Variants in HJURP observed in about 807,000 individuals in gnomAD.
HJURP encodes the protein Holliday junction recognition protein.
In HJURP, 49 loss-of-function variants were observed where a neutral mutation model predicts 72.0. The observed-to-expected ratio is 0.68, with a 90% CI of 0.54 to 0.86. The LOEUF (loss-of-function observed/expected upper bound fraction) is 0.86, where lower values mean the gene tolerates loss of function less well. HJURP is among the 40% of genes least tolerant of loss of function. The pLI, the probability that HJURP is intolerant of heterozygous loss-of-function variation, is 0.00. For synonymous variants in HJURP, 357 were observed against 347.1 expected (o/e 1.03, Z -0.32); for missense variants, 908 against 936.3 (o/e 0.97, Z 0.39).
chr2:233,849,420 G>C (rs1342898412), intron 4 of HJURP, among the ~76,000 whole-genome samples: 2 of 152,174 alleles, frequency 1.3e-5, no homozygotes, highest in Non-Finnish European at 2.9e-5. Flanking sequence ...GGAGGACGAA[G>C]TGGGAAGCTG....
At chr2:233,840,078 G>A (rs1222924987) in intron 8 of HJURP, among the ~76,000 whole-genome samples, 1 of 134,298 alleles carries the variant, frequency 7.4e-6, no homozygotes, top group Non-Finnish European at 1.7e-5. Context: ...TTAAGCTGCA[G>A]AACAAGGTGC....
At chr2:233,852,933 A>G (rs1406700532) in intron 2 of HJURP, among the ~76,000 whole-genome samples, 1 of 152,224 alleles carries the variant, frequency 6.6e-6, no homozygotes, top group Non-Finnish European at 1.5e-5. Context: ...GGCAATCTAT[A>G]TACCATATAG....
Position 233,841,412 on chromosome 2 carries a change from C to T in HJURP, c.1368G>A (p.Met456Ile), listed in dbSNP as rs778392677. 1.2e-6 allele frequency: 2 copies of T among 1,614,172 alleles called. No homozygotes were observed. Among genetic ancestry groups the T allele is most frequent in the African/African-American group, 1.3e-5 (1 of 75,042 alleles). ...TCATGGCCCAGGAGTCCGGGAGGCACATCCGGCGAGGCTGGTTCCTGGGAC... is the reference window on the plus strand; with the variant it reads ...TCATGGCCCAGGAGTCCGGGAGGCATATCCGGCGAGGCTGGTTCCTGGGAC... ...CLSPRNQPRR[M>I]CLPDSWAMNM... The change falls in exon 8 of 9, where the codon ATG becomes ATA. Residue 456 changes from methionine (M) to isoleucine (I), a missense_variant. Transcript: ENST00000411486.
At chr2:233,845,889 C>T in intron 5 of HJURP, 69 bp from the exon 6 acceptor site, 1 of 950,410 alleles carries the variant, frequency 1.1e-6, no homozygotes, top group Non-Finnish European at 1.7e-6. Context: ...GCTTCTGGAA[C>T]AAACTGGCAA....
At chr2:233,848,834 C>T (rs889006926) in intron 4 of HJURP, among the ~76,000 whole-genome samples, 1 of 152,140 alleles carries the variant, frequency 6.6e-6, no homozygotes, top group African/African-American at 2.4e-5. Flanking sequence ...CTCAAACAAA[C>T]CCTCTAGAAA....
At chr2:233,845,856 T>C (rs1293081430) in intron 5 of HJURP, 36 bp from the exon 6 acceptor site, 1 of 1,426,098 alleles carries the variant, frequency 7.0e-7, no homozygotes, top group South Asian at 1.2e-5. Context: ...TTTTAAGAGC[T>C]TCTGAGTATA....
rs368581054 is a variant in HJURP at position 233,840,721 on chromosome 2, C to T, written c.2059G>A (p.Glu687Lys). The T allele has an allele frequency of 3.7e-6, 6 of 1,613,974 alleles. No individual in the cohort carries two copies. The highest frequency in any genetic ancestry group is 5.1e-6 in the Non-Finnish European group (6 of 1,180,028). The change falls in exon 8 of 9, where the codon GAA becomes AAA. Residue 687 changes from glutamate to lysine, a missense_variant. Physicochemically the swap from Glu to Lys is moderately conservative, Grantham distance 56. This residue lies in a region of HJURP where 598 missense variants were observed against 619.5 expected (regional missense o/e 0.97). Coordinates refer to ENST00000411486, the MANE Select transcript of HJURP (RefSeq NM_018410.5). ...CCCTGGCGTCCGGAGCCCTGGGGTT[C>T]TGATAGCCTGGGTCTTTTTGCAGGG... ...QFPAKRPRLSEPQGSGRQGNS... is the reference protein window; with the variant it reads ...QFPAKRPRLSKPQGSGRQGNS...
intron 3 of HJURP, 138 bp from the exon 4 acceptor site, chr2:233,849,997 T>TG (rs1429111430): frequency 3.2e-6 from 2 of 625,628 alleles, no homozygotes; most frequent in African/African-American, 1.8e-5. Context: ...CTCTTCTCCC[T>TG]GCATGTCCAC....
In HJURP at chr2:233,847,447, C is replaced by T; in HGVS notation, c.352G>A (p.Glu118Lys). The change falls in exon 5 of 9, where the codon GAG becomes AAG. Residue 118 changes from glutamate to lysine, a missense_variant. Glu to Lys is a moderately conservative substitution (Grantham distance 56, BLOSUM62 1). Coordinates refer to ENST00000411486, the MANE Select transcript of HJURP (RefSeq NM_018410.5). ...TVLGADSKSG[E>K]VDATSDQEES... ...TCCTGGTCTGACGTGGCATCGACCT[C>T]ACCGCTTTTTGAATCTAAAAGTCAA... 6.2e-7 allele frequency: 1 copy of T among 1,614,110 alleles called. No individual in the cohort carries two copies.
In HJURP at chr2:233,846,007, G is replaced by A. The variant is rs577946669; in HGVS notation, c.403-187C>T. The A allele has an allele frequency of 3.8e-6, 2 of 520,156 alleles. No homozygotes were observed. Among genetic ancestry groups the A allele is most frequent in the South Asian group, 2.9e-5 (1 of 34,758 alleles). The allele number at this position is 520,156 out of a possible 1,614,324, so 32.2% of individuals were successfully genotyped here. A position where few individuals can be genotyped will look rare whatever the true frequency, so the allele number is the denominator to read the frequency against. On this transcript the variant is annotated intron_variant, in intron 5 of 8. Coordinates refer to ENST00000411486, the MANE Select transcript of HJURP (RefSeq NM_018410.5). The surrounding 1 kb of genome is among the most constrained non-coding windows in gnomAD (Gnocchi z 4.3). Reference sequence around the variant, plus strand: ...TTCCTGCTATGTTAATAATCCAAAAGAATGTAAAAAGACACACACACACAA... The same window carrying A: ...TTCCTGCTATGTTAATAATCCAAAAAAATGTAAAAAGACACACACACACAA...
chr2:233,839,506 C>T (rs1180289415), intron 8 of HJURP, among the ~76,000 whole-genome samples: 1 of 152,246 alleles, frequency 6.6e-6, no homozygotes, highest in Non-Finnish European at 1.5e-5. Context: ...GTGAGAAAGG[C>T]CCCAGGGGGC....
chr2:233,853,740 A>G, intron 2 of HJURP, 104 bp downstream of exon 2: 1 of 900,942 alleles, frequency 1.1e-6, no homozygotes. Context: ...GGTTCCTATT[A>G]GTTAGGTGAA....
chr2:233,848,261 C>T (rs1705415760), intron 4 of HJURP, among the ~76,000 whole-genome samples: 1 of 152,060 alleles, frequency 6.6e-6, no homozygotes, highest in South Asian at 2.1e-4. Context: ...AGCAGAGGAA[C>T]CCAGGTCTAA....
Position 233,837,391 on chromosome 2 carries a change from G to A in HJURP, c.*186C>T. On this transcript the variant is annotated 3_prime_UTR_variant, in exon 9 of 9. Coordinates refer to ENST00000411486, the MANE Select transcript of HJURP (RefSeq NM_018410.5). ...AGAGAACCCTAAAAATTCTAATTGA[G>A]CAACTTTATTCACATAATTTCTACA... is the stretch of plus-strand genomic sequence containing the variant. The A allele has an allele frequency of 2.1e-6, 1 of 478,028 alleles. No individual in the cohort carries two copies. The highest frequency in any genetic ancestry group is 3.7e-6 in the Non-Finnish European group (1 of 272,856). The allele number at this position is 478,028 out of a possible 1,614,324, so 29.6% of individuals were successfully genotyped here. A position where few individuals can be genotyped will look rare whatever the true frequency, so the allele number is the denominator to read the frequency against.
Position 233,853,916 on chromosome 2 carries a change from G to C in HJURP, c.118-6C>G. The stretch of plus-strand genomic sequence containing the variant: ...TCCTCGAAGGGCTGGTTGTACTGCG[G>C]AGGAGGAAGGGGCTTCCTGTCAGGT... On this transcript the variant is annotated splice_polypyrimidine_tract_variant and splice_region_variant and intron_variant, in intron 1 of 8. Coordinates refer to ENST00000411486, the MANE Select transcript of HJURP (RefSeq NM_018410.5). 1 of 1,613,626 alleles carries C rather than the reference G, an allele frequency of 6.2e-7. No individual in the cohort carries two copies. Among genetic ancestry groups the C allele is most frequent in the Non-Finnish European group, 8.5e-7 (1 of 1,179,740 alleles).
chr2:233,853,849 G>A lies in HJURP; in HGVS notation c.179C>T (p.Pro60Leu), dbSNP rs576859977. Residue 60 changes from proline to leucine, a missense_variant, in exon 2 of 9, where the codon CCA becomes CTA. By Grantham distance (98) the Pro-to-Leu change is moderately conservative. Transcript: ENST00000411486. ...VQMATLTYET[P>L]QGLRIWGGRL... ...AAGGTGGGGAAGACCCTTACCCTGT[G>A]GCGTCTCGTAGGTCAGCGTGGCCAT... The A allele has an allele frequency of 1.9e-6, 3 of 1,613,710 alleles. No homozygotes were observed. Among genetic ancestry groups the A allele is most frequent in the South Asian group, 1.1e-5 (1 of 91,078 alleles).
rs1193161136 is a variant in HJURP at position 233,846,111 on chromosome 2, A to G, written c.403-291T>C. The G allele has an allele frequency of 3.5e-6, 1 of 282,256 alleles. No individual in the cohort carries two copies. Among genetic ancestry groups the G allele is most frequent in the Non-Finnish European group, 6.7e-6 (1 of 149,840 alleles). The allele number at this position is 282,256 out of a possible 1,614,324, so 17.5% of individuals were successfully genotyped here. On this transcript the variant is annotated intron_variant, in intron 5 of 8. Coordinates refer to ENST00000411486, the MANE Select transcript of HJURP (RefSeq NM_018410.5). The surrounding 1 kb of genome is among the most constrained non-coding windows in gnomAD (Gnocchi z 4.3). ...AATCTGAATATTCATAGGTGAGTTC[A>G]GGACTCAACTACTGGTAATAACTTC...
chr2:233,849,748 G>A lies in HJURP; in HGVS notation c.337+15C>T, dbSNP rs534084454. 6.5e-6 allele frequency: 10 copies of A among 1,534,952 alleles called. No homozygotes were observed. Among genetic ancestry groups the A allele is most frequent in the South Asian group, 1.2e-5 (1 of 83,668 alleles). ...TCCCTCCTGACTTCAGTTCTCTGACGAAGGCAACACTCACCGGCTCCCAGG... is the reference window on the plus strand; with the variant it reads ...TCCCTCCTGACTTCAGTTCTCTGACAAAGGCAACACTCACCGGCTCCCAGG... On this transcript the variant is annotated intron_variant, in intron 4 of 8. Coordinates refer to ENST00000411486, the MANE Select transcript of HJURP (RefSeq NM_018410.5).
Position 233,854,464 on chromosome 2 carries a change from C to G in HJURP, c.37G>C (p.Val13Leu). Residue 13 changes from valine to leucine, a missense_variant, in exon 1 of 9, where the codon GTG becomes CTG. By Grantham distance (32) the Val-to-Leu change is conservative. Transcript: ENST00000411486. ...GTLRAMEGED[V>L]EDDQLLQKLR... is the part of the protein sequence containing the mutation. ...TTCTGCAGCAGCTGGTCGTCTTCCA[C>G]GTCCTCGCCCTCCATGGCGCGCAGC... 1 of 1,612,714 alleles carries G rather than the reference C, an allele frequency of 6.2e-7. No individual in the cohort carries two copies.
Sources: gnomAD v4.1 joint callset for allele counts (sites outside exome capture counted in the v4.1 genomes callset) on GRCh38, gnomAD v4.1.1 for gene constraint, gnomAD v4.1.1 regional missense constraint, Gnocchi (gnomAD v3.1) non-coding constraint, MANE v1.5 for transcripts, NCBI Gene and HGNC (gene_info 2026-07-23, HGNC 2026-07-21) for gene names.